Variants in SORD observed in about 807,000 individuals in gnomAD.
SORD encodes (R,R)-butanediol dehydrogenase.
SORD carries 18 observed loss-of-function variants against 35.6 expected under a neutral mutation model. The ratio of observed to expected loss-of-function variants is 0.51; its 90% CI spans 0.35 to 0.75. The LOEUF (loss-of-function observed/expected upper bound fraction) is 0.75, where lower values mean the gene tolerates loss of function less well. SORD is among the 30% of genes least tolerant of loss of function. The pLI, the probability that SORD is intolerant of heterozygous loss-of-function variation, is 0.01. For synonymous variants in SORD, 106 were observed against 152.9 expected, an observed-to-expected ratio of 0.69 and a Z score of 2.26; for missense variants, 250 against 390.2, an observed-to-expected ratio of 0.64 and a Z score of 3.03.
In SORD at chr15:45,075,634, A is replaced by G. The variant is rs1893578018; in HGVS notation, c.*2104A>G. The G allele has an allele frequency of 7.5e-6, 1 of 133,724 alleles. No individual in the cohort carries two copies. Among genetic ancestry groups the G allele is most frequent in the Admixed American group, 6.8e-5 (1 of 14,602 alleles). 8.3% of individuals were successfully genotyped at this position (133,724 alleles called of 1,614,324 possible). On this transcript the variant is annotated 3_prime_UTR_variant, in exon 9 of 9. Transcript: ENST00000267814. ...CCAGCCTCTGTCCCAGCTGGCTGCT[A>G]ATTTCTGAGCATTTCTTCCCTGTTA... is the stretch of plus-strand genomic sequence containing the variant.
rs117035029 is a variant in SORD at position 45,028,736 on chromosome 15, G to A, written c.66+5387G>A. ...TTGAGTTTTTGTCCATTGAGGCAAC[G>A]TATTATACCTTAGGTCAAAAGAATT... is the stretch of plus-strand genomic sequence containing the variant. On this transcript the variant is annotated intron_variant, in intron 1 of 8. Coordinates refer to ENST00000267814, the MANE Select transcript of SORD (RefSeq NM_003104.6). 8.5e-3 allele frequency among the ~76,000 whole-genome samples: 1,289 copies of A among 152,212 alleles called. 3 individuals carry two copies. The highest frequency in any genetic ancestry group is 0.021 in the East Asian group (111 of 5,184).
At chr15:45,057,938 G>C (rs368839504) in intron 3 of SORD, among the ~76,000 whole-genome samples, 2 of 152,210 alleles carry the variant, frequency 1.3e-5, no homozygotes, top group Admixed American at 6.5e-5. Flanking sequence ...GTCCTTACTA[G>C]GTGAAAATTT....
chr15:45,035,882 C>A (rs948241539), intron 1 of SORD, among the ~76,000 whole-genome samples: 20 of 151,786 alleles, frequency 1.3e-4, no homozygotes, highest in African/African-American at 4.8e-4. Context: ...GACCACGAAC[C>A]CACCAGAAGG....
intron 1 of SORD, among the ~76,000 whole-genome samples, chr15:45,039,421 C>G (rs1801026143): frequency 6.6e-6 from 1 of 152,208 alleles, no homozygotes; most frequent in Non-Finnish European, 1.5e-5. Flanking sequence ...AGACACTGTG[C>G]CCGGGTACAT....
intron 4 of SORD, 150 bp from the exon 5 acceptor site, chr15:45,065,121 A>C: frequency 3.2e-6 from 2 of 634,808 alleles, no homozygotes; most frequent in South Asian, 3.8e-5. Context: ...GTTAATGTAT[A>C]TAAATTGCTT....
intron 4 of SORD, among the ~76,000 whole-genome samples, chr15:45,061,552 C>T (rs1372683897): frequency 6.6e-6 from 1 of 152,092 alleles, no homozygotes; most frequent in Non-Finnish European, 1.5e-5. Flanking sequence ...GTTTCCACTG[C>T]AACCACCAGA....
At chr15:45,048,716 A>C (rs1457258525) in intron 3 of SORD, among the ~76,000 whole-genome samples, 5 of 152,190 alleles carry the variant, frequency 3.3e-5, no homozygotes, top group African/African-American at 1.2e-4. Context: ...AGGAGTGTGG[A>C]CACCAAGAGT....
At chr15:45,060,189 G>T (rs984559966) in intron 3 of SORD, among the ~76,000 whole-genome samples, 2 of 152,210 alleles carry the variant, frequency 1.3e-5, no homozygotes, top group Non-Finnish European at 2.9e-5. Flanking sequence ...AAAGAAGATA[G>T]ACTGATGGAA....
chr15:45,061,615 C>G (rs1213048053), intron 4 of SORD, among the ~76,000 whole-genome samples: 1 of 151,990 alleles, frequency 6.6e-6, no homozygotes, highest in Admixed American at 6.5e-5. Flanking sequence ...TGCCTGTAAT[C>G]CCAGCACTTT....
chr15:45,039,972 T>G (rs1290221402), intron 1 of SORD, among the ~76,000 whole-genome samples: 3 of 152,178 alleles, frequency 2.0e-5, no homozygotes, highest in Non-Finnish European at 4.4e-5. Flanking sequence ...TTTTCCTTAG[T>G]CCTGGCGAAG....
chr15:45,054,202 T>A (rs1423156188), intron 3 of SORD, among the ~76,000 whole-genome samples: 1 of 152,218 alleles, frequency 6.6e-6, no homozygotes, highest in East Asian at 1.9e-4. Flanking sequence ...TAGTTCTAGA[T>A]CCCTGAGGAA....
intron 3 of SORD, among the ~76,000 whole-genome samples, chr15:45,059,525 G>T (rs1893268468): frequency 6.6e-6 from 1 of 152,178 alleles, no homozygotes; most frequent in Non-Finnish European, 1.5e-5. Flanking sequence ...AGACAGTTTT[G>T]CTCTGTCACC....
chr15:45,064,741 A>G (rs1313370358), intron 4 of SORD, among the ~76,000 whole-genome samples: 2 of 152,240 alleles, frequency 1.3e-5, no homozygotes, highest in Non-Finnish European at 2.9e-5. Flanking sequence ...AAGTGAAACT[A>G]AAAAGGCTGT....
intron 1 of SORD, among the ~76,000 whole-genome samples, chr15:45,023,853 C>T (rs561013770): frequency 4.6e-5 from 7 of 152,310 alleles, no homozygotes; most frequent in Non-Finnish European, 8.8e-5. Flanking sequence ...GCACTTAGTA[C>T]GTGCTCAGGA....
chr15:45,036,544 A>G (rs1035669953), intron 1 of SORD, among the ~76,000 whole-genome samples: 1 of 152,106 alleles, frequency 6.6e-6, no homozygotes, highest in Admixed American at 6.5e-5. Context: ...ATAAAAAAAA[A>G]TTAGCCACGC....
At chr15:45,026,959 C>G (rs962666785) in intron 1 of SORD, among the ~76,000 whole-genome samples, 5 of 152,252 alleles carry the variant, frequency 3.3e-5, no homozygotes, top group Non-Finnish European at 4.4e-5. Flanking sequence ...GCACCATTCT[C>G]TTCTTTCTTG....
At chr15:45,055,573 T>G (rs1379019920) in intron 3 of SORD, among the ~76,000 whole-genome samples, 2 of 152,194 alleles carry the variant, frequency 1.3e-5, no homozygotes, top group African/African-American at 4.8e-5. Flanking sequence ...AAGGAGGAAC[T>G]GGTACCATTC....
At position 45,040,410 on chromosome 15, in the gene SORD, G is replaced by A; in HGVS notation, c.69G>A (p.Glu23=). ...VVHGPGDLRL[E]NYPIPEPGPN... ...TTTTTCAATTTTGTTTCTTTTAGGA[G>A]AACTATCCTATCCCTGAACCAGGCC... Residue 23 remains glutamate (E), a splice_region_variant and synonymous_variant, in exon 2 of 9, where the codon GAG becomes GAA. Coordinates refer to ENST00000267814, the MANE Select transcript of SORD (RefSeq NM_003104.6). 1.3e-6 allele frequency: 2 copies of A among 1,551,774 alleles called. No homozygotes were observed. Among genetic ancestry groups the A allele is most frequent in the Admixed American group, 1.7e-5 (1 of 59,504 alleles).
At chr15:45,052,860 G>T (rs141020602) in intron 3 of SORD, among the ~76,000 whole-genome samples, 386 of 152,306 alleles carry the variant, frequency 2.5e-3, no homozygotes, top group African/African-American at 9.0e-3. Context: ...CCTGCATGAA[G>T]TCTGTAACTG....
Sources: gnomAD v4.1 joint callset for allele counts (sites outside exome capture counted in the v4.1 genomes callset) on GRCh38, gnomAD v4.1.1 for gene constraint, MANE v1.5 for transcripts, NCBI Gene and HGNC (gene_info 2026-07-23, HGNC 2026-07-21) for gene names.